Variants in COL28A1 observed in about 807,000 individuals in gnomAD.
COL28A1 encodes the protein collagen alpha-1(XXVIII) chain.
Under a neutral mutation model 150.2 loss-of-function variants are expected in COL28A1, and 161 were observed. The observed-to-expected ratio is 1.07, with a 90% CI of 0.94 to 1.22. The LOEUF is 1.22. Ranked by LOEUF, COL28A1 falls within the 50% of genes most tolerant of loss-of-function variation. COL28A1 has a pLI of 0.00. For missense variants in COL28A1, 1,617 were observed against 1,388.3 expected (o/e 1.16, Z -2.62); for synonymous variants, 552 against 469.7 (o/e 1.18, Z -2.26).
rs117745224 is a variant in COL28A1 at position 7,444,966 on chromosome 7, T to A, written c.1510-477A>T. On this transcript the variant is annotated intron_variant, in intron 18 of 34. Coordinates refer to ENST00000399429, the MANE Select transcript of COL28A1 (RefSeq NM_001037763.3). ...TTCTTATAATAGAGTTCTCATGATA[T>A]CTGGTTGTTTAAAAATGTGTGTGTA... 4.1e-4 allele frequency among the ~76,000 whole-genome samples: 62 copies of A among 152,202 alleles called. No individual in the cohort carries two copies. In the East Asian group the frequency reaches 9.5e-3, roughly 23 times the overall value.
intron 18 of COL28A1, among the ~76,000 whole-genome samples, chr7:7,451,401 T>C (rs1054168305): frequency 6.6e-6 from 1 of 152,042 alleles, no homozygotes; most frequent in Non-Finnish European, 1.5e-5. Context: ...AATTTTTGTA[T>C]TTTTAGTAGA....
chr7:7,465,455 CG>C (rs1190328701), intron 15 of COL28A1, among the ~76,000 whole-genome samples: 7 of 138,680 alleles, frequency 5.0e-5, no homozygotes, highest in Admixed American at 1.5e-4. Flanking sequence ...GAGGGTCCTA[CG>C]CCCACGGAAT....
intron 15 of COL28A1, among the ~76,000 whole-genome samples, chr7:7,463,900 GCTGC>G (rs1283848641): frequency 6.6e-6 from 1 of 152,132 alleles, no homozygotes; most frequent in African/African-American, 2.4e-5. Flanking sequence ...CAACCAATCT[GCTGC>G]CTTCAAGAGA....
chr7:7,357,387 G>A (rs1457008198), downstream of COL28A1, among the ~76,000 whole-genome samples: 7 of 152,214 alleles, frequency 4.6e-5, no homozygotes, highest in African/African-American at 1.2e-4. Context: ...GTGGCCGGGC[G>A]GGGTGGCTCA....
intron 8 of COL28A1, among the ~76,000 whole-genome samples, chr7:7,512,324 G>C (rs759011950): frequency 6.6e-6 from 1 of 152,076 alleles, no homozygotes; most frequent in Non-Finnish European, 1.5e-5. Flanking sequence ...ACAATGTCTT[G>C]TATTGAAAAT....
Position 7,437,480 on chromosome 7 carries a change from G to A in COL28A1, c.1723-18C>T. ...GGTTCACCCTTAAAAAGAGCAAAATGCTCACTACATTTCAAGCAGAGAAAG... is the reference window on the plus strand; with the variant it reads ...GGTTCACCCTTAAAAAGAGCAAAATACTCACTACATTTCAAGCAGAGAAAG... On this transcript the variant is annotated intron_variant, in intron 21 of 34. Transcript: ENST00000399429. The A allele has an allele frequency of 6.2e-7, 1 of 1,610,134 alleles. No individual in the cohort carries two copies.
chr7:7,407,190 G>C (rs1783537877), intron 27 of COL28A1, among the ~76,000 whole-genome samples: 1 of 151,982 alleles, frequency 6.6e-6, no homozygotes, highest in African/African-American at 2.4e-5. Context: ...AGATTGTAGA[G>C]AGGAAAGAAC....
chr7:7,383,864 G>T (rs1782034841), intron 27 of COL28A1, among the ~76,000 whole-genome samples: 1 of 151,694 alleles, frequency 6.6e-6, no homozygotes. Flanking sequence ...ATATGCCTTT[G>T]CACACTTGTA....
At chr7:7,366,140 T>C (rs1369396512) in intron 33 of COL28A1, among the ~76,000 whole-genome samples, 1 of 152,160 alleles carries the variant, frequency 6.6e-6, no homozygotes, top group Admixed American at 6.5e-5. Flanking sequence ...AGGAAGAACA[T>C]TCTAGTAACA....
chr7:7,419,924 A>G lies in COL28A1; in HGVS notation c.2028T>C (p.Gly676=). The part of the protein sequence containing the change: ...KGEPGVRGPP[G]PSGPRGVGTQ... ...TTCCTACGCCCCGAGGCCCAGAAGG[A>G]CCTGGAGGGCCTCTGACCCCAGGCT... Residue 676 remains glycine, a synonymous_variant, in exon 26 of 35, where the codon GGT becomes GGC. Transcript: ENST00000399429. 6.2e-7 allele frequency: 1 copy of G among 1,602,758 alleles called. No individual in the cohort carries two copies. The highest frequency in any genetic ancestry group is 8.5e-7 in the Non-Finnish European group (1 of 1,175,078).
chr7:7,525,506 T>G (rs565688426), intron 3 of COL28A1, among the ~76,000 whole-genome samples: 1 of 152,156 alleles, frequency 6.6e-6, no homozygotes, highest in Non-Finnish European at 1.5e-5. Context: ...ACCAGTGCCT[T>G]GTGATTTCAT....
Position 7,444,496 on chromosome 7 carries a change from A to G in COL28A1, c.1510-7T>C. 6.2e-7 allele frequency: 1 copy of G among 1,613,240 alleles called. No individual in the cohort carries two copies. Among genetic ancestry groups the G allele is most frequent in the Middle Eastern group, 1.7e-4 (1 of 6,058 alleles). Reference sequence around the variant, plus strand: ...CTATTGAGCCTGGCTCTCCCTGGTGAATGAACAAATATTTTATTTCCCTAA... The same window carrying G: ...CTATTGAGCCTGGCTCTCCCTGGTGGATGAACAAATATTTTATTTCCCTAA... On this transcript the variant is annotated splice_polypyrimidine_tract_variant and splice_region_variant and intron_variant, in intron 18 of 34. Coordinates refer to ENST00000399429, the MANE Select transcript of COL28A1 (RefSeq NM_001037763.3).
chr7:7,492,935 C>T (rs1398353196), intron 11 of COL28A1, among the ~76,000 whole-genome samples: 1 of 148,872 alleles, frequency 6.7e-6, no homozygotes, highest in African/African-American at 2.5e-5. Context: ...ATGTTTTTAG[C>T]CATGGAATTT....
intron 25 of COL28A1, among the ~76,000 whole-genome samples, chr7:7,424,643 G>A (rs1183146630): frequency 6.6e-6 from 1 of 151,944 alleles, no homozygotes; most frequent in African/African-American, 2.4e-5. Context: ...TTCTAGAGTC[G>A]CCATTGGTAA....
At chr7:7,496,235 C>A (rs1281878236) in intron 11 of COL28A1, among the ~76,000 whole-genome samples, 1 of 152,188 alleles carries the variant, frequency 6.6e-6, no homozygotes, top group African/African-American at 2.4e-5. Context: ...CCCCACTAGA[C>A]TGTGGGGATG....
intron 5 of COL28A1, 63 bp downstream of exon 5, chr7:7,521,842 G>A: frequency 1.2e-6 from 1 of 841,944 alleles, no homozygotes; most frequent in South Asian, 1.3e-5. Context: ...ATGTTTTCAA[G>A]AGCGAGTAGA....
chr7:7,344,486 T>A, the COL28A1 span, among the ~76,000 whole-genome samples: 4 of 152,150 alleles, frequency 2.6e-5, no homozygotes, highest in African/African-American at 7.2e-5. Context: ...ATTGAATTAC[T>A]TCAGATAAAA....
chr7:7,427,057 GA>G (rs1784680006), intron 25 of COL28A1, among the ~76,000 whole-genome samples: 1 of 152,140 alleles, frequency 6.6e-6, no homozygotes, highest in Non-Finnish European at 1.5e-5. Flanking sequence ...AGGGCTGAAG[GA>G]AAAGTACGTA....
At chr7:7,462,528 TA>T (rs1787713303) in intron 15 of COL28A1, among the ~76,000 whole-genome samples, 1 of 151,898 alleles carries the variant, frequency 6.6e-6, no homozygotes, top group South Asian at 2.1e-4. Context: ...ATAGCATAAA[TA>T]AAAACAATCA....
Sources: gnomAD v4.1 joint callset for allele counts (sites outside exome capture counted in the v4.1 genomes callset) on GRCh38, gnomAD v4.1.1 for gene constraint, MANE v1.5 for transcripts, NCBI Gene and HGNC (gene_info 2026-07-23, HGNC 2026-07-21) for gene names.